TBCK: variants seen among roughly 807,000 people sequenced by gnomAD.
The protein encoded by TBCK is TBC1 domain containing kinase, also known as TBC domain-containing protein kinase-like protein.
A neutral mutation model predicts 113.4 loss-of-function variants in TBCK; 99 were observed. The ratio of observed to expected loss-of-function variants is 0.87; its 90% CI spans 0.74 to 1.03. The LOEUF (loss-of-function observed/expected upper bound fraction) is 1.03. Ranked by LOEUF, TBCK falls within the 50% of genes least tolerant of loss-of-function variation. TBCK has a pLI of 0.00. For synonymous variants in TBCK, 369 were observed against 370.8 expected (o/e 1.00, Z 0.05); for missense variants, 1,045 against 1,061.3 (o/e 0.98, Z 0.21).
intron 24 of TBCK, among the ~76,000 whole-genome samples, chr4:106,106,965 A>G (rs60532274): frequency 0.014 from 2,074 of 152,280 alleles, 53 homozygotes; most frequent in African/African-American, 0.047. Context: ...AAAATAAAAA[A>G]CAGAAAAAAG....
chr4:106,254,018 C>G (rs1304878920), intron 5 of TBCK, among the ~76,000 whole-genome samples: 1 of 152,170 alleles, frequency 6.6e-6, no homozygotes, highest in African/African-American at 2.4e-5. Flanking sequence ...CTTCTTCCAG[C>G]AACAAAAATA....
At chr4:106,060,517 T>C (rs759839882) in intron 25 of TBCK, among the ~76,000 whole-genome samples, 14 of 151,744 alleles carry the variant, frequency 9.2e-5, no homozygotes, top group Admixed American at 7.2e-4. Flanking sequence ...TGTTGTGACC[T>C]ACTACTCAGA....
intron 3 of TBCK, among the ~76,000 whole-genome samples, chr4:106,280,021 T>C (rs753675778): frequency 1.2e-4 from 19 of 152,260 alleles, no homozygotes; most frequent in Non-Finnish European, 8.8e-5. Context: ...CTGTTCTCCA[T>C]AGCAGTTATA....
At chr4:106,100,125 T>G (rs1014219440) in intron 24 of TBCK, among the ~76,000 whole-genome samples, 4 of 152,222 alleles carry the variant, frequency 2.6e-5, no homozygotes, top group Non-Finnish European at 5.9e-5. Context: ...CCACAGTATC[T>G]GTACATATCT....
At position 106,236,523 on chromosome 4, in the gene TBCK, TA is replaced by T; in HGVS notation, c.1221-5del. 10 of 1,490,608 alleles carry T rather than the reference TA, an allele frequency of 6.7e-6. No individual in the cohort carries two copies. The highest frequency in any genetic ancestry group is 8.9e-6 in the Non-Finnish European group (10 of 1,124,532). 92.3% of individuals were successfully genotyped at this position (1,490,608 alleles called of 1,614,324 possible). ...TGAATGAGGTAAATTAGACTGGCTG[TA>T]AAAGAGAACAAAAGCAATAAAAAAA... On this transcript the variant is annotated splice_region_variant and splice_polypyrimidine_tract_variant and intron_variant, in intron 13 of 25. Coordinates refer to ENST00000394708, the MANE Select transcript of TBCK (RefSeq NM_001163435.3).
intron 20 of TBCK, among the ~76,000 whole-genome samples, chr4:106,198,839 C>G (rs548135465): frequency 1.3e-5 from 2 of 152,074 alleles, no homozygotes; most frequent in African/African-American, 4.8e-5. Context: ...GAACAGATAC[C>G]TAAAATGCTT....
chr4:106,209,244 A>C (rs1432930734), intron 20 of TBCK, among the ~76,000 whole-genome samples: 4 of 151,478 alleles, frequency 2.6e-5, no homozygotes. Context: ...AAATAAATAT[A>C]TTATGTCACA....
At chr4:106,309,305 CTTTTTTTTTTTTTTTT>C (rs536969885) in intron 1 of TBCK, among the ~76,000 whole-genome samples, 6 of 103,164 alleles carry the variant, frequency 5.8e-5, no homozygotes, top group Non-Finnish European at 9.4e-5. Context: ...AGGCTCTTCT[CTTTTTTTTTTTTTTTT>C]TTTTTTTTTT....
rs13328029 is a variant in TBCK, at chr4:106,276,690, C to T, written c.267-14478G>A. ...GGTTGATCACCTGAGGTCAAGAGTT[C>T]GAGACCAACCTGGCCAACCAACATG... On this transcript the variant is annotated intron_variant, in intron 3 of 25. Coordinates refer to ENST00000394708, the MANE Select transcript of TBCK (RefSeq NM_001163435.3). Among the ~76,000 whole-genome samples, 927 of 152,130 alleles carry T rather than the reference C, an allele frequency of 6.1e-3. 8 individuals carry two copies. Among genetic ancestry groups the T allele is most frequent in the African/African-American group, 0.021 (876 of 41,504 alleles).
chr4:106,185,552 A>G (rs1752919928), intron 22 of TBCK, among the ~76,000 whole-genome samples: 1 of 152,098 alleles, frequency 6.6e-6, no homozygotes, highest in Non-Finnish European at 1.5e-5. Flanking sequence ...TATAAGTGGA[A>G]TCATGCTGTA....
chr4:106,078,649 C>G (rs1468572365), intron 25 of TBCK, among the ~76,000 whole-genome samples: 1 of 151,802 alleles, frequency 6.6e-6, no homozygotes, highest in Non-Finnish European at 1.5e-5. Context: ...AAAAAGCCTA[C>G]CAACCAAAAA....
intron 3 of TBCK, among the ~76,000 whole-genome samples, chr4:106,279,252 G>T (rs1764341482): frequency 6.6e-6 from 1 of 152,132 alleles, no homozygotes; most frequent in African/African-American, 2.4e-5. Context: ...GTCAGTAAAT[G>T]AACCTTGTAA....
chr4:106,094,700 A>G (rs1740714568), intron 25 of TBCK, among the ~76,000 whole-genome samples: 1 of 151,984 alleles, frequency 6.6e-6, no homozygotes, highest in African/African-American at 2.4e-5. Flanking sequence ...AGGTTGAAGG[A>G]TTTATTTGAT....
At chr4:106,218,741 G>T (rs1315864679) in intron 19 of TBCK, among the ~76,000 whole-genome samples, 1 of 117,246 alleles carries the variant, frequency 8.5e-6, no homozygotes, top group Non-Finnish European at 1.9e-5. Flanking sequence ...AGAGGATGTG[G>T]AGAAATAGGA....
At chr4:106,296,282 G>T (rs993085235) in intron 2 of TBCK, among the ~76,000 whole-genome samples, 7 of 152,130 alleles carry the variant, frequency 4.6e-5, no homozygotes, top group African/African-American at 1.7e-4. Context: ...AAGTTGGAGT[G>T]TTGTCAGTAT....
intron 3 of TBCK, among the ~76,000 whole-genome samples, chr4:106,263,048 A>G (rs1279323694): frequency 6.6e-6 from 1 of 151,970 alleles, no homozygotes; most frequent in Non-Finnish European, 1.5e-5. Context: ...CAAATCTCAG[A>G]GCATAAGACA....
At chr4:106,066,145 T>G (rs895307508) in intron 25 of TBCK, among the ~76,000 whole-genome samples, 9 of 152,052 alleles carry the variant, frequency 5.9e-5, no homozygotes, top group African/African-American at 1.7e-4. Flanking sequence ...GCTGTATTTC[T>G]CAGATCCATT....
In TBCK at chr4:106,080,860, A is replaced by T. The variant is rs1213853927; in HGVS notation, c.2571+14622T>A. Among the ~76,000 whole-genome samples, 3 of 152,292 alleles carry T rather than the reference A, an allele frequency of 2.0e-5. No homozygotes were observed. In the East Asian group the frequency reaches 5.8e-4, roughly 29 times the overall value. On this transcript the variant is annotated intron_variant, in intron 25 of 25. Transcript: ENST00000394708. ...AAAACCCATTAGAAAGTGGACAAAA[A>T]ACATGAACAGATACCTCTCAAAAGA...
At chr4:106,224,705 C>T (rs567628010) in intron 19 of TBCK, among the ~76,000 whole-genome samples, 31 of 152,200 alleles carry the variant, frequency 2.0e-4, no homozygotes, top group African/African-American at 7.5e-4. Context: ...TTTAGCTTTC[C>T]ATCTCTCTTT....
Sources: allele counts gnomAD v4.1 joint callset (sites outside exome capture counted in the v4.1 genomes callset), GRCh38; gene constraint gnomAD v4.1.1; transcripts MANE v1.5; gene names NCBI Gene and HGNC (gene_info 2026-07-23, HGNC 2026-07-21).